Variants in PDXDC1 observed in about 807,000 individuals in gnomAD.
The protein encoded by PDXDC1 is pyridoxal dependent decarboxylase domain containing 1.
A neutral mutation model predicts 100.1 loss-of-function variants in PDXDC1; 42 were observed. The observed-to-expected ratio is 0.42, with a 90% CI of 0.33 to 0.54. The LOEUF is 0.54. PDXDC1 is among the 20% of genes least tolerant of loss of function. PDXDC1 has a pLI of 0.10. For missense variants in PDXDC1, 636 were observed against 979.2 expected (o/e 0.65, Z 4.68); for synonymous variants, 260 against 371.7 (o/e 0.70, Z 3.46).
rs1161498142 is a variant in PDXDC1 at position 14,997,610 on chromosome 16, C to G, written c.22-143C>G. The G allele has an allele frequency of 5.2e-6, 5 of 969,332 alleles. No homozygotes were observed. The East Asian group carries it at 1.4e-4, about 27-fold the overall frequency. 60.0% of individuals were successfully genotyped at this position (969,332 alleles called of 1,614,324 possible). ...GAAGATTTTTACTTTTTCTGTTATA[C>G]TTTTGTACTATTGCAAGTTTTAAAA... On this transcript the variant is annotated intron_variant, in intron 1 of 22. Coordinates refer to ENST00000396410, the MANE Select transcript of PDXDC1 (RefSeq NM_015027.4).
intron 16 of PDXDC1, chr16:15,131,292 G>C (rs1332413706): frequency 2.5e-6 from 4 of 1,574,492 alleles, no homozygotes; most frequent in African/African-American, 1.3e-5. Flanking sequence ...TGGGGATCTG[G>C]GCGCCGGCCT....
At chr16:15,020,975 A>AACACACACACAC (rs66850292) in intron 12 of PDXDC1, among the ~76,000 whole-genome samples, 715 of 145,750 alleles carry the variant, frequency 4.9e-3, no homozygotes, top group Non-Finnish European at 7.3e-3. Context: ...GCACCATCTA[A>AACACACACACAC]ACACACACAC....
chr16:15,057,497 G>C (rs1485016712), intron 16 of PDXDC1, among the ~76,000 whole-genome samples: 1 of 152,174 alleles, frequency 6.6e-6, no homozygotes, highest in Non-Finnish European at 1.5e-5. Context: ...TGATTCCAAA[G>C]GCAGTGCTCT....
intron 16 of PDXDC1, chr16:15,132,801 T>C (rs2048169347): frequency 2.3e-6 from 3 of 1,283,634 alleles, no homozygotes; most frequent in Non-Finnish European, 3.4e-6. Context: ...GTCTCCGTGA[T>C]GTTCTTGCGT....
At chr16:14,981,163 A>G (rs1967885444) in intron 1 of PDXDC1, among the ~76,000 whole-genome samples, 2 of 152,312 alleles carry the variant, frequency 1.3e-5, no homozygotes, top group African/African-American at 4.8e-5. Context: ...GCTCAGAATT[A>G]TGCTTTTCTA....
chr16:15,081,806 T>G (rs1265100997), intron 16 of PDXDC1, among the ~76,000 whole-genome samples: 14 of 152,232 alleles, frequency 9.2e-5, no homozygotes, highest in Admixed American at 5.2e-4. Context: ...TTTTTACTCT[T>G]CATGTAGGGC....
chr16:15,147,519 G>T, the PDXDC1 span, among the ~76,000 whole-genome samples: 2 of 152,132 alleles, frequency 1.3e-5, no homozygotes, highest in Non-Finnish European at 2.9e-5. Context: ...GAGAGGGTGC[G>T]GACTCTTCCT....
intron 1 of PDXDC1, among the ~76,000 whole-genome samples, chr16:14,983,840 A>G (rs1968590203): frequency 1.3e-5 from 2 of 152,266 alleles, no homozygotes; most frequent in South Asian, 4.1e-4. Flanking sequence ...GAAGTTGTAT[A>G]TAGTGATATT....
intron 16 of PDXDC1, among the ~76,000 whole-genome samples, chr16:15,052,602 G>A (rs2044339829): frequency 6.6e-6 from 1 of 152,216 alleles, no homozygotes; most frequent in Non-Finnish European, 1.5e-5. Flanking sequence ...TGGAGGCCGA[G>A]GCGAGATGAT....
Position 15,036,107 on chromosome 16 carries a change from G to GC in PDXDC1, c.2200dup (p.Arg734ProfsTer17). 1 of 1,614,142 alleles carries GC rather than the reference G, an allele frequency of 6.2e-7. No individual in the cohort carries two copies. Among genetic ancestry groups the GC allele is most frequent in the Admixed American group, 1.7e-5 (1 of 60,016 alleles). Reference sequence around the variant, plus strand: ...ACATTGAAGACTTAGAAAAGGTGGAGCGCCTATCCAGTGGGCCGGAGCAGA... The same window carrying GC: ...ACATTGAAGACTTAGAAAAGGTGGAGCCGCCTATCCAGTGGGCCGGAGCAGA... On this transcript the variant is annotated frameshift_variant, in exon 23 of 23. Transcript: ENST00000396410. LOFTEE classifies it low-confidence loss of function (END_TRUNC).
chr16:15,123,161 C>T (rs1418814726), intron 16 of PDXDC1, among the ~76,000 whole-genome samples: 1 of 150,854 alleles, frequency 6.6e-6, no homozygotes, highest in South Asian at 2.1e-4. Flanking sequence ...CTCCACCAAT[C>T]CCTGATGACC....
At chr16:15,097,294 C>G (rs551335393) in intron 16 of PDXDC1, among the ~76,000 whole-genome samples, 1 of 150,926 alleles carries the variant, frequency 6.6e-6, no homozygotes, top group African/African-American at 2.4e-5. Context: ...GGAAAAAAAG[C>G]TTGATATGTA....
intron 16 of PDXDC1, chr16:15,065,143 G>T: frequency 6.8e-7 from 1 of 1,461,160 alleles, no homozygotes; most frequent in Non-Finnish European, 9.3e-7. Flanking sequence ...TCCAGCCTGG[G>T]CGACAGAGTG....
downstream of PDXDC1, among the ~76,000 whole-genome samples, chr16:15,144,041 G>A (rs1299555057): frequency 6.6e-6 from 1 of 152,188 alleles, no homozygotes; most frequent in Non-Finnish European, 1.5e-5. Flanking sequence ...GCAGGGGCAG[G>A]ACAGGACGCC....
chr16:15,088,258 T>G (rs2045986626), intron 16 of PDXDC1, among the ~76,000 whole-genome samples: 1 of 152,150 alleles, frequency 6.6e-6, no homozygotes, highest in South Asian at 2.1e-4. Flanking sequence ...AGGAGACTGC[T>G]TGAGCCCAGG....
intron 16 of PDXDC1, among the ~76,000 whole-genome samples, chr16:15,064,993 C>T (rs1379399872): frequency 6.6e-6 from 1 of 152,084 alleles, no homozygotes; most frequent in Non-Finnish European, 1.5e-5. Flanking sequence ...AGTCAAACCC[C>T]GTCTCTACTA....
chr16:15,038,007 G>T lies in PDXDC1; in HGVS notation c.*1732G>T, dbSNP rs761638598. ...CAATGGTCTGTCAGGCCAAGAAGGT[G>T]CTTTCTTTGGTAATTCATGTTTTTT... On this transcript the variant is annotated 3_prime_UTR_variant, in exon 23 of 23. Transcript: ENST00000396410. 1.3e-6 allele frequency: 2 copies of T among 1,587,264 alleles called. No individual in the cohort carries two copies. Among genetic ancestry groups the T allele is most frequent in the East Asian group, 2.2e-5 (1 of 44,754 alleles).
intron 16 of PDXDC1, chr16:15,135,490 C>A (rs2048305597): frequency 2.5e-6 from 3 of 1,190,272 alleles, no homozygotes; most frequent in African/African-American, 1.5e-5. Flanking sequence ...TAAAGCAGAG[C>A]CCGGCCCAGG....
chr16:15,125,829 C>G, intron 16 of PDXDC1: 4 of 923,644 alleles, frequency 4.3e-6, no homozygotes, highest in Non-Finnish European at 7.0e-6. Context: ...CAGCAGTGGT[C>G]AGCGGGCGGC....
Sources: gnomAD v4.1 joint callset for allele counts (sites outside exome capture counted in the v4.1 genomes callset) on GRCh38, gnomAD v4.1.1 for gene constraint, MANE v1.5 for transcripts, NCBI Gene and HGNC (gene_info 2026-07-23, HGNC 2026-07-21) for gene names.